AOPEP: variants seen among roughly 807,000 people sequenced by gnomAD.
AOPEP encodes the protein aminopeptidase O.
AOPEP carries 77 observed loss-of-function variants against 98.1 expected under a neutral mutation model. That is an observed-to-expected ratio of 0.78 (90% confidence interval 0.65 to 0.95). The LOEUF (loss-of-function observed/expected upper bound fraction) is 0.95. AOPEP is among the 40% of genes least tolerant of loss of function. The pLI, the probability that AOPEP is intolerant of heterozygous loss-of-function variation, is 0.00. For missense variants in AOPEP, 1,024 were observed against 1,024.7 expected (o/e 1.00, Z 0.01); for synonymous variants, 346 against 365.3 (o/e 0.95, Z 0.60).
At chr9:94,833,529 G>T (rs1197821884) in intron 5 of AOPEP, among the ~76,000 whole-genome samples, 1 of 152,040 alleles carries the variant, frequency 6.6e-6, no homozygotes, top group Non-Finnish European at 1.5e-5. Context: ...GAGCCACCGC[G>T]CCTGGCTGTG....
intron 5 of AOPEP, among the ~76,000 whole-genome samples, chr9:94,919,560 G>C (rs2053300199): frequency 6.6e-6 from 1 of 152,180 alleles, no homozygotes; most frequent in Admixed American, 6.5e-5. Flanking sequence ...ATTTCGTTTA[G>C]AAGAAGGGGC....
intron 5 of AOPEP, among the ~76,000 whole-genome samples, chr9:94,856,181 C>T (rs1010825200): frequency 2.0e-5 from 3 of 152,294 alleles, no homozygotes; most frequent in South Asian, 2.1e-4. Context: ...AGCATGCACA[C>T]GTCCACACCT....
At chr9:94,996,459 T>C (rs771223886) in intron 11 of AOPEP, among the ~76,000 whole-genome samples, 3 of 151,946 alleles carry the variant, frequency 2.0e-5, no homozygotes, top group Non-Finnish European at 4.4e-5. Flanking sequence ...TTGCAAGTTG[T>C]GACTTCATTG....
intron 5 of AOPEP, among the ~76,000 whole-genome samples, chr9:94,842,935 T>C (rs955858197): frequency 2.3e-4 from 35 of 152,368 alleles, no homozygotes; most frequent in African/African-American, 8.4e-4. Context: ...ATTTTTACTT[T>C]GTCTTTAGTT....
At chr9:94,932,868 A>C (rs746896032) in intron 7 of AOPEP, 4 of 985,284 alleles carry the variant, frequency 4.1e-6, no homozygotes, top group Non-Finnish European at 4.8e-6. Flanking sequence ...ATTCGTTAAC[A>C]GGTTTCTTGT....
Position 94,815,218 on chromosome 9 carries a change from G to A in AOPEP, c.1364+14216G>A, listed in dbSNP as rs1055356291. Among the ~76,000 whole-genome samples, 4 of 152,156 alleles carry A rather than the reference G, an allele frequency of 2.6e-5. No homozygotes were observed. The South Asian group carries it at 8.3e-4, about 32-fold the overall frequency. On this transcript the variant is annotated intron_variant, in intron 5 of 16. Coordinates refer to ENST00000375315, the MANE Select transcript of AOPEP (RefSeq NM_001193329.3). ...GTAAAGTGGCCTCAGGGGTGGCTAG[G>A]AAGTCCCATCCCAATGAAAGAGTAG...
At chr9:94,807,926 C>T (rs1024533544) in intron 5 of AOPEP, among the ~76,000 whole-genome samples, 3 of 152,226 alleles carry the variant, frequency 2.0e-5, no homozygotes, top group East Asian at 1.9e-4. Context: ...GCAGCTGGAG[C>T]CCACCTCTGC....
rs764888678 is a variant in AOPEP at position 95,083,788 on chromosome 9, CCT to C, written c.*4+1070_*4+1071del. Among the ~76,000 whole-genome samples the C allele has an allele frequency of 2.6e-5, 4 of 152,336 alleles. No individual in the cohort carries two copies. In the East Asian group the frequency reaches 5.8e-4, roughly 22 times the overall value. Reference sequence around the variant, plus strand: ...ACACGTGGCATATGGCCTCCATGACCCTGTGTCTTGAGGGCAGGTCCTACTTT... The same window carrying C: ...ACACGTGGCATATGGCCTCCATGACCGTGTCTTGAGGGCAGGTCCTACTTT... On this transcript the variant is annotated intron_variant, in intron 16 of 16. Coordinates refer to ENST00000375315, the MANE Select transcript of AOPEP (RefSeq NM_001193329.3).
intron 10 of AOPEP, among the ~76,000 whole-genome samples, chr9:94,978,379 G>T (rs12340107): frequency 0.06 from 9,178 of 151,794 alleles, 317 homozygotes; most frequent in South Asian, 0.11. Flanking sequence ...TTAAATGTGC[G>T]TTCATTCATT....
intron 11 of AOPEP, among the ~76,000 whole-genome samples, chr9:94,987,311 C>A (rs2060581088): frequency 6.6e-6 from 1 of 152,232 alleles, no homozygotes; most frequent in African/African-American, 2.4e-5. Context: ...CCATTTGAAG[C>A]CAATCTTGAA....
intron 11 of AOPEP, among the ~76,000 whole-genome samples, chr9:95,004,659 C>T (rs2132670206): frequency 6.6e-6 from 1 of 151,426 alleles, no homozygotes; most frequent in African/African-American, 2.4e-5. Context: ...CGGCGGGCGG[C>T]GCGGGCCCCT....
At chr9:94,847,515 T>G (rs1452138204) in intron 5 of AOPEP, among the ~76,000 whole-genome samples, 2 of 152,228 alleles carry the variant, frequency 1.3e-5, no homozygotes, top group Non-Finnish European at 2.9e-5. Context: ...AATACGTTGT[T>G]AACACGTACT....
At position 94,789,920 on chromosome 9, in the gene AOPEP, C is replaced by T. The variant is rs541366382; in HGVS notation, c.965-2845C>T. On this transcript the variant is annotated intron_variant, in intron 3 of 16. Transcript: ENST00000375315. ...ACGGAGTCTCGCTCTGTGGCCCAGG[C>T]GGGAGTGCAGTGGCGCAATCTCGGC... 1.9e-3 allele frequency among the ~76,000 whole-genome samples: 291 copies of T among 151,618 alleles called. 1 individual carries two copies. The highest frequency in any genetic ancestry group is 3.0e-3 in the Non-Finnish European group (207 of 67,962).
At chr9:94,732,866 C>T (rs899358592) in intron 1 of AOPEP, among the ~76,000 whole-genome samples, 1 of 152,202 alleles carries the variant, frequency 6.6e-6, no homozygotes, top group African/African-American at 2.4e-5. Flanking sequence ...TGGCAGATAG[C>T]ACAGATCTGT....
chr9:94,907,823 C>T (rs1564361139), intron 5 of AOPEP, among the ~76,000 whole-genome samples: 1 of 152,100 alleles, frequency 6.6e-6, no homozygotes, highest in Non-Finnish European at 1.5e-5. Flanking sequence ...GGTGGGCTAC[C>T]CTGCAAATTT....
chr9:94,923,399 G>C (rs1286520928), intron 5 of AOPEP, among the ~76,000 whole-genome samples: 8 of 152,176 alleles, frequency 5.3e-5, no homozygotes, highest in African/African-American at 1.9e-4. Flanking sequence ...TGATGGAAAA[G>C]CTTGGCCTTA....
At chr9:94,983,671 G>A (rs907053473) in intron 11 of AOPEP, among the ~76,000 whole-genome samples, 10 of 152,064 alleles carry the variant, frequency 6.6e-5, no homozygotes, top group African/African-American at 2.4e-4. Context: ...TTATTTCCTG[G>A]CATTCTGGAG....
Position 94,980,355 on chromosome 9 carries a change from T to C in AOPEP, c.1977+928T>C, listed in dbSNP as rs2060108900. ...TGACCCAGGGTCATGGGCCTTGGCA[T>C]CTGGGGGCGGTCCCGTGTGGTGAGG... On this transcript the variant is annotated intron_variant, in intron 11 of 16. Transcript: ENST00000375315. This position sits in a 1 kb window ranked among gnomAD's most constrained non-coding sequence, Gnocchi z 4.3. Among the ~76,000 whole-genome samples, 2 of 152,220 alleles carry C rather than the reference T, an allele frequency of 1.3e-5. No individual in the cohort carries two copies. Among genetic ancestry groups the C allele is most frequent in the Non-Finnish European group, 2.9e-5 (2 of 68,032 alleles).
chr9:94,939,489 G>A (rs1026170280), intron 7 of AOPEP, among the ~76,000 whole-genome samples: 5 of 152,048 alleles, frequency 3.3e-5, no homozygotes, highest in African/African-American at 9.7e-5. Flanking sequence ...GAGCTCCTCC[G>A]CCCTTGGTCT....
Sources: allele counts gnomAD v4.1 joint callset (sites outside exome capture counted in the v4.1 genomes callset), GRCh38; gene constraint gnomAD v4.1.1; non-coding constraint Gnocchi (gnomAD v3.1); transcripts MANE v1.5; gene names NCBI Gene and HGNC (gene_info 2026-07-23, HGNC 2026-07-21).